The following AK9 variants were observed in gnomAD, a reference collection of about 807,000 sequenced individuals.
AK9 encodes the protein adenylate kinase domain containing 1.
AK9 carries 191 observed loss-of-function variants against 239.6 expected under a neutral mutation model. The observed-to-expected ratio is 0.80, with a 90% CI of 0.71 to 0.90. The LOEUF (loss-of-function observed/expected upper bound fraction) is 0.90. AK9 is among the 40% of genes least tolerant of loss of function. The pLI, the probability that AK9 is intolerant of heterozygous loss-of-function variation, is 0.00. For missense variants in AK9, 1,995 were observed against 2,214.7 expected (o/e 0.90, Z 1.99); for synonymous variants, 689 against 721.0 (o/e 0.96, Z 0.71).
intron 20 of AK9, 132 bp downstream of exon 20, chr6:109,579,418 T>C (rs912540015): frequency 4.5e-5 from 33 of 738,520 alleles, no homozygotes. Flanking sequence ...TTCAAGAATA[T>C]AGGCATAAAC....
At chr6:109,547,345 C>G (rs1296280913) in intron 25 of AK9, among the ~76,000 whole-genome samples, 3 of 152,276 alleles carry the variant, frequency 2.0e-5, no homozygotes, top group Non-Finnish European at 1.5e-5. Context: ...GTAATCCTAT[C>G]CCAGGGAGCT....
At chr6:109,639,082 T>C (rs955443016) in intron 10 of AK9, among the ~76,000 whole-genome samples, 2 of 152,242 alleles carry the variant, frequency 1.3e-5, no homozygotes, top group African/African-American at 4.8e-5. Flanking sequence ...TCCAAGTCTT[T>C]GTAATTGTGA....
At chr6:109,643,526 A>G (rs1339604361) in intron 9 of AK9, among the ~76,000 whole-genome samples, 2 of 152,154 alleles carry the variant, frequency 1.3e-5, no homozygotes, top group South Asian at 2.1e-4. Flanking sequence ...TAGTTTTCCT[A>G]CCACCAATTT....
chr6:109,606,428 G>C (rs1444796263), intron 17 of AK9, among the ~76,000 whole-genome samples: 1 of 152,152 alleles, frequency 6.6e-6, no homozygotes, highest in African/African-American at 2.4e-5. Context: ...AGAACAGATA[G>C]GTACAGATGT....
chr6:109,596,502 G>A (rs1791049556), intron 17 of AK9, among the ~76,000 whole-genome samples: 1 of 152,164 alleles, frequency 6.6e-6, no homozygotes, highest in African/African-American at 2.4e-5. Context: ...CCAAATGCCT[G>A]GAGATGTGTC....
intron 35 of AK9, among the ~76,000 whole-genome samples, chr6:109,501,967 C>T (rs975003698): frequency 6.6e-6 from 1 of 152,208 alleles, no homozygotes; most frequent in African/African-American, 2.4e-5. Context: ...ATTATTGTCA[C>T]TTAACATTCC....
intron 9 of AK9, chr6:109,644,399 CT>C: frequency 2.4e-6 from 1 of 413,946 alleles, no homozygotes. Context: ...TTTGAGACGC[CT>C]TTTGAAAGAG....
In AK9 at chr6:109,497,957, C is replaced by T. The variant is rs1220476405; in HGVS notation, c.5055G>A (p.Leu1685=). 3.1e-6 allele frequency: 5 copies of T among 1,613,086 alleles called. No homozygotes were observed. Among genetic ancestry groups the T allele is most frequent in the Non-Finnish European group, 4.2e-6 (5 of 1,179,226 alleles). Residue 1685 remains leucine, a synonymous_variant, in exon 37 of 41, where the codon TTG becomes TTA. Transcript: ENST00000424296. ...MSSQEKLNKF[L]ENPELYVPPL... is the part of the protein sequence containing the mutation. ...GAGGCACGTACAATTCTGGGTTCTC[C>T]AAGAATTTCTATTAAAAAAGAATTC...
At chr6:109,565,549 A>G (rs1456315140) in intron 21 of AK9, among the ~76,000 whole-genome samples, 4 of 152,180 alleles carry the variant, frequency 2.6e-5, no homozygotes, top group Non-Finnish European at 4.4e-5. Flanking sequence ...ATGATATTGC[A>G]AAGTCCCAGC....
chr6:109,601,836 A>AACTT (rs1792026728), intron 17 of AK9, among the ~76,000 whole-genome samples: 1 of 952 alleles, frequency 1.1e-3, no homozygotes, highest in Non-Finnish European at 1.7e-3. Flanking sequence ...TTATGCAATG[A>AACTT]CCTTGTCTCT....
At chr6:109,535,297 T>C (rs547768022) in intron 27 of AK9, among the ~76,000 whole-genome samples, 1 of 152,348 alleles carries the variant, frequency 6.6e-6, no homozygotes, top group East Asian at 1.9e-4. Context: ...TGATCGCCAT[T>C]CTAACTGGTG....
chr6:109,542,404 C>T (rs778897056), intron 26 of AK9, among the ~76,000 whole-genome samples: 19 of 152,088 alleles, frequency 1.2e-4, no homozygotes, highest in Non-Finnish European at 2.6e-4. Context: ...TGTTCAATAG[C>T]ACAGAGGGAA....
intron 20 of AK9, among the ~76,000 whole-genome samples, chr6:109,576,417 A>G (rs1377220017): frequency 2.3e-5 from 1 of 43,674 alleles, no homozygotes; most frequent in African/African-American, 5.8e-5. Context: ...ATACATATAT[A>G]TACTTTTTTT....
chr6:109,623,416 A>C (rs1795106931), intron 12 of AK9, among the ~76,000 whole-genome samples: 1 of 152,190 alleles, frequency 6.6e-6, no homozygotes, highest in South Asian at 2.1e-4. Context: ...GTCAGCTGCC[A>C]GGTCATGAGG....
chr6:109,684,873 CAAAAAAAAAAAAAAAAAAAAA>C (rs60500211), intron 1 of AK9, among the ~76,000 whole-genome samples: 116 of 21,868 alleles, frequency 5.3e-3, no homozygotes, highest in Non-Finnish European at 7.2e-3. Context: ...GACTCCGTCT[CAAAAAAAAAAAAAAAAAAAAA>C]AAAAAAAAAA....
intron 9 of AK9, among the ~76,000 whole-genome samples, chr6:109,643,021 G>T (rs776477640): frequency 2.6e-5 from 4 of 152,210 alleles, no homozygotes; most frequent in African/African-American, 9.7e-5. Flanking sequence ...CTCATGCCTT[G>T]TGAACTCTGG....
At chr6:109,621,893 TAAAAAAA>T (rs59405869) in intron 12 of AK9, among the ~76,000 whole-genome samples, 3 of 55,534 alleles carry the variant, frequency 5.4e-5, no homozygotes, top group South Asian at 9.3e-4. Context: ...AAAGTATAAT[TAAAAAAA>T]AAAAAAAAAA....
At chr6:109,507,864 C>T (rs1378202255) in intron 33 of AK9, among the ~76,000 whole-genome samples, 1 of 152,196 alleles carries the variant, frequency 6.6e-6, no homozygotes, top group Non-Finnish European at 1.5e-5. Flanking sequence ...CCTGGCCAAT[C>T]CCAGCGGCCA....
At chr6:109,573,685 A>G in intron 20 of AK9, 91 bp from the exon 21 acceptor site, 1 of 1,251,226 alleles carries the variant, frequency 8.0e-7, no homozygotes, top group Non-Finnish European at 1.1e-6. Flanking sequence ...AACAAAGAAT[A>G]TGAAATGGTC....
Sources: gnomAD v4.1 joint callset for allele counts (sites outside exome capture counted in the v4.1 genomes callset) on GRCh38, gnomAD v4.1.1 for gene constraint, MANE v1.5 for transcripts, NCBI Gene and HGNC (gene_info 2026-07-23, HGNC 2026-07-21) for gene names.